NPAS3: variants seen among roughly 807,000 people sequenced by gnomAD.
The protein encoded by NPAS3 is neuronal PAS domain-containing protein 3.
In NPAS3, 14 loss-of-function variants were observed where a neutral mutation model predicts 73.1. The ratio of observed to expected loss-of-function variants is 0.19; its 90% confidence interval spans 0.13 to 0.30. The LOEUF (loss-of-function observed/expected upper bound fraction) is 0.30. Among genes scored for constraint, NPAS3 ranks in the 10% least tolerant of loss-of-function variants. The pLI, the probability that NPAS3 is intolerant of heterozygous loss-of-function variation, is 1.00. For synonymous variants in NPAS3, 620 were observed against 541.5 expected (o/e 1.14, Z -2.01); for missense variants, 1,096 against 1,250.0 (o/e 0.88, Z 1.86).
chr14:33,179,759 A>G (rs1221756944), intron 2 of NPAS3, among the ~76,000 whole-genome samples: 3 of 152,198 alleles, frequency 2.0e-5, no homozygotes, highest in Non-Finnish European at 2.9e-5. Flanking sequence ...GAAACACAGT[A>G]AAGAGTGGAG....
At chr14:33,688,347 T>C (rs2140395560) in intron 6 of NPAS3, among the ~76,000 whole-genome samples, 1 of 152,334 alleles carries the variant, frequency 6.6e-6, no homozygotes, top group African/African-American at 2.4e-5. Context: ...AATAAACCTA[T>C]GTTTTGAAAC....
At chr14:33,305,262 G>A (rs1244159943) in intron 3 of NPAS3, among the ~76,000 whole-genome samples, 2 of 151,756 alleles carry the variant, frequency 1.3e-5, no homozygotes, top group African/African-American at 2.4e-5. Flanking sequence ...TAGTCATTTT[G>A]CTTCTTAAGT....
intron 1 of NPAS3, among the ~76,000 whole-genome samples, chr14:32,991,689 G>C (rs530854525): frequency 4.6e-5 from 7 of 152,252 alleles, no homozygotes; most frequent in African/African-American, 1.2e-4. Context: ...AAAGCGATTT[G>C]GATTATAAAT....
At chr14:33,447,818 G>A (rs185588962) in intron 4 of NPAS3, among the ~76,000 whole-genome samples, 26 of 152,300 alleles carry the variant, frequency 1.7e-4, no homozygotes, top group Admixed American at 4.6e-4. Context: ...AGAAGGCTAA[G>A]GCAGGAGGAT....
At chr14:33,402,028 T>C (rs1316177252) in intron 4 of NPAS3, among the ~76,000 whole-genome samples, 1 of 152,134 alleles carries the variant, frequency 6.6e-6, no homozygotes, top group Non-Finnish European at 1.5e-5. Flanking sequence ...GGCATGTCCC[T>C]ACAAATAGAT....
At chr14:33,277,512 G>A (rs1391956618) in intron 3 of NPAS3, among the ~76,000 whole-genome samples, 1 of 152,164 alleles carries the variant, frequency 6.6e-6, no homozygotes, top group Non-Finnish European at 1.5e-5. Flanking sequence ...TAGGGAAAGT[G>A]CTATAAAAAT....
chr14:33,563,611 A>G (rs1387315749), intron 5 of NPAS3, among the ~76,000 whole-genome samples: 1 of 151,562 alleles, frequency 6.6e-6, no homozygotes, highest in Non-Finnish European at 1.5e-5. Flanking sequence ...AACTGGTTTC[A>G]GGTTATAGAA....
rs148953067 is a variant in NPAS3, at chr14:33,757,754, C to A, written c.853-16583C>A. Among the ~76,000 whole-genome samples, 14 of 152,280 alleles carry A rather than the reference C, an allele frequency of 9.2e-5. 1 individual carries two copies. The East Asian group carries it at 2.7e-3, about 29-fold the overall frequency. ...GAAGTGATGCACTCCCCTTTTCTGCCTTTGAATGCTGATGAAATGGAAGCA... is the reference window on the plus strand; with the variant it reads ...GAAGTGATGCACTCCCCTTTTCTGCATTTGAATGCTGATGAAATGGAAGCA... On this transcript the variant is annotated intron_variant, in intron 7 of 11. Coordinates refer to ENST00000356141, the Ensembl canonical transcript of NPAS3.
chr14:32,938,762 G>T (rs2035815676), upstream of NPAS3, among the ~76,000 whole-genome samples: 1 of 149,492 alleles, frequency 6.7e-6, no homozygotes, highest in Non-Finnish European at 1.5e-5. Flanking sequence ...GCGGGTGGCG[G>T]CGCGGGGGTG....
chr14:33,282,424 AG>A (rs765866462), intron 3 of NPAS3, among the ~76,000 whole-genome samples: 3 of 152,236 alleles, frequency 2.0e-5, no homozygotes, highest in Admixed American at 6.5e-5. Context: ...GCACTGTACT[AG>A]GATGAAATTA....
chr14:33,535,371 C>T (rs375923421), intron 4 of NPAS3, among the ~76,000 whole-genome samples: 18 of 152,190 alleles, frequency 1.2e-4, no homozygotes, highest in Admixed American at 1.2e-3. Flanking sequence ...TTGAGTAGGA[C>T]TGCTGTTAGA....
At chr14:33,746,195 A>ATTTTTTT (rs1241544431) in intron 7 of NPAS3, among the ~76,000 whole-genome samples, 22 of 146,562 alleles carry the variant, frequency 1.5e-4, no homozygotes, top group African/African-American at 5.9e-4. Flanking sequence ...TTATTTATTT[A>ATTTTTTT]TTTATTTTTT....
intron 4 of NPAS3, among the ~76,000 whole-genome samples, chr14:33,438,070 AAT>A (rs2049067812): frequency 6.6e-6 from 1 of 152,244 alleles, no homozygotes; most frequent in African/African-American, 2.4e-5. Flanking sequence ...TTTGGAAAAT[AAT>A]ATATGTATGT....
chr14:33,573,016 C>A (rs1306478410), intron 5 of NPAS3, among the ~76,000 whole-genome samples: 2 of 105,232 alleles, frequency 1.9e-5, no homozygotes, highest in African/African-American at 4.1e-5. Flanking sequence ...AGTGAGACTT[C>A]TTCTCAAAAA....
intron 3 of NPAS3, among the ~76,000 whole-genome samples, chr14:33,287,223 G>A (rs1470748929): frequency 6.6e-6 from 1 of 152,134 alleles, no homozygotes; most frequent in Non-Finnish European, 1.5e-5. Context: ...TTTATTGTAT[G>A]GGCATCTTGC....
chr14:32,991,425 A>T (rs1463345210), intron 1 of NPAS3, among the ~76,000 whole-genome samples: 2 of 152,136 alleles, frequency 1.3e-5, no homozygotes, highest in Non-Finnish European at 2.9e-5. Flanking sequence ...CATTGGCCAT[A>T]GTTTGCCCAA....
intron 1 of NPAS3, among the ~76,000 whole-genome samples, chr14:32,940,306 G>A (rs1194850144): frequency 6.6e-6 from 1 of 152,188 alleles, no homozygotes; most frequent in Non-Finnish European, 1.5e-5. Flanking sequence ...CAAAATACCC[G>A]TAACTGTTCT....
At chr14:33,646,404 T>C (rs1287051506) in intron 5 of NPAS3, among the ~76,000 whole-genome samples, 2 of 152,166 alleles carry the variant, frequency 1.3e-5, no homozygotes. Context: ...TGTGTGTATA[T>C]TTGCCATTAT....
At chr14:33,724,406 G>A (rs538321293) in intron 6 of NPAS3, among the ~76,000 whole-genome samples, 2 of 152,308 alleles carry the variant, frequency 1.3e-5, no homozygotes, top group Admixed American at 6.5e-5. Context: ...GACCAAGGCA[G>A]GTGGATCCCT....
Sources: gnomAD v4.1 joint callset for allele counts (sites outside exome capture counted in the v4.1 genomes callset) on GRCh38, gnomAD v4.1.1 for gene constraint, MANE v1.5 for transcripts, NCBI Gene and HGNC (gene_info 2026-07-23, HGNC 2026-07-21) for gene names.